Variants in ALG9 observed in about 807,000 individuals in gnomAD.
ALG9 encodes the protein alpha-1,2-mannosyltransferase ALG9.
A neutral mutation model predicts 81.8 loss-of-function variants in ALG9; 55 were observed. The observed-to-expected ratio is 0.67, with a 90% CI of 0.54 to 0.84. The LOEUF is 0.84. Ranked by LOEUF, ALG9 falls within the 40% of genes least tolerant of loss-of-function variation. The pLI is 0.00. For synonymous variants in ALG9, 278 were observed against 274.3 expected (o/e 1.01, Z -0.13); for missense variants, 629 against 745.0 (o/e 0.84, Z 1.81).
chr11:111,870,107 T>C (rs1258324035), intron 2 of ALG9, 125 bp downstream of exon 2: 3 of 1,208,964 alleles, frequency 2.5e-6, no homozygotes, highest in South Asian at 3.7e-5. Flanking sequence ...TTTTTGTTTT[T>C]TTTTTTAAGA....
At position 111,786,321 on chromosome 11, in the gene ALG9, G is replaced by C. The variant is rs782612113; in HGVS notation, c.*76C>G. ...GACCTTTATTACAAATGTTACAGGC[G>C]ATGACTTGCAGGGAGTCAGGTCACT... On this transcript the variant is annotated 3_prime_UTR_variant, in exon 15 of 15. Coordinates refer to ENST00000616540, the MANE Select transcript of ALG9 (RefSeq NM_024740.2). 9.4e-6 allele frequency: 15 copies of C among 1,596,044 alleles called. No individual in the cohort carries two copies. The East Asian group carries it at 2.9e-4, about 31-fold the overall frequency.
chr11:111,864,175 A>G, intron 4 of ALG9: 2 of 581,774 alleles, frequency 3.4e-6, no homozygotes, highest in East Asian at 2.9e-5. Context: ...AACAATAAAT[A>G]AAAGCAAGAA....
At chr11:111,863,585 G>A (rs1332999137) in intron 4 of ALG9, among the ~76,000 whole-genome samples, 2 of 152,090 alleles carry the variant, frequency 1.3e-5, no homozygotes, top group Admixed American at 6.6e-5. Flanking sequence ...TTTAAATAAT[G>A]ATCACTAAGT....
At chr11:111,825,568 A>G (rs1266898846) in intron 13 of ALG9, among the ~76,000 whole-genome samples, 1 of 152,184 alleles carries the variant, frequency 6.6e-6, no homozygotes, top group East Asian at 1.9e-4. Flanking sequence ...ATTCTTAATC[A>G]GCCTCTAAGA....
At chr11:111,846,362 A>G (rs1956949012) in intron 8 of ALG9, among the ~76,000 whole-genome samples, 1 of 152,254 alleles carries the variant, frequency 6.6e-6, no homozygotes, top group Non-Finnish European at 1.5e-5. Context: ...GTCAAGCACC[A>G]ATAGGAAAAA....
intron 14 of ALG9, among the ~76,000 whole-genome samples, chr11:111,793,760 C>CAAAA (rs35166603): frequency 5.6e-5 from 3 of 53,888 alleles, no homozygotes; most frequent in African/African-American, 5.6e-5. Context: ...GAGTCCAGCT[C>CAAAA]AAAAAAAAAA....
downstream of ALG9, among the ~76,000 whole-genome samples, chr11:111,779,631 G>GT (rs1186511919): frequency 5.1e-4 from 77 of 151,982 alleles, no homozygotes; most frequent in African/African-American, 1.8e-3. Flanking sequence ...GATTACAGGT[G>GT]TGAGCCCCCT....
intron 13 of ALG9, among the ~76,000 whole-genome samples, chr11:111,811,152 C>T (rs1555091062): frequency 6.6e-6 from 1 of 152,118 alleles, no homozygotes; most frequent in Non-Finnish European, 1.5e-5. Context: ...TAGCAATAAA[C>T]AAAATGAAAT....
Position 111,840,701 on chromosome 11 carries a change from T to C in ALG9, c.1127A>G (p.Tyr376Cys). Residue 376 changes from tyrosine (Y) to cysteine (C), a missense_variant, in exon 10 of 15, where the codon TAT becomes TGT. Physicochemically the swap from Tyr to Cys is radical, Grantham distance 194. This residue lies in a region of ALG9 where 264 missense variants were observed against 302.2 expected (regional missense o/e 0.87). Transcript: ENST00000616540. ...HKEERFLFPV[Y>C]PLICLCGAVA... ...AGCGCCACAGAGACATATAAGTGGA[T>C]ACACAGGGAAAAGAAATCTCTCCTC... 3 of 1,613,942 alleles carry C rather than the reference T, an allele frequency of 1.9e-6. No individual in the cohort carries two copies. The highest frequency in any genetic ancestry group is 2.5e-6 in the Non-Finnish European group (3 of 1,179,966).
the ALG9 span, among the ~76,000 whole-genome samples, chr11:111,768,153 T>C: frequency 2.6e-5 from 4 of 152,184 alleles, no homozygotes; most frequent in East Asian, 1.9e-4. Flanking sequence ...TATTTGGTAG[T>C]TGTAACAGAA....
chr11:111,828,186 T>A lies in ALG9; in HGVS notation c.1602+7979A>T, dbSNP rs1225534820. Among the ~76,000 whole-genome samples the A allele has an allele frequency of 3.3e-5, 5 of 151,856 alleles. No homozygotes were observed. The South Asian group carries it at 8.3e-4, about 25-fold the overall frequency. On this transcript the variant is annotated intron_variant, in intron 13 of 14. Transcript: ENST00000616540. ...TCCAGCCTGGGTGACAGAGCAAGAC[T>A]CCATCAAAAAAAAAGGAGATGAACA...
Position 111,840,823 on chromosome 11 carries a change from A to G in ALG9, c.1019-14T>C. 1 of 1,613,964 alleles carries G rather than the reference A, an allele frequency of 6.2e-7. No homozygotes were observed. The highest frequency in any genetic ancestry group is 1.1e-5 in the South Asian group (1 of 91,078). ...CTAAATTCTGAACTGCAAGACACAG[A>G]AAAATACCCATCTTTCATTATATTA... On this transcript the variant is annotated splice_polypyrimidine_tract_variant and intron_variant, in intron 9 of 14. Transcript: ENST00000616540.
chr11:111,844,761 G>T, intron 8 of ALG9, 38 bp from the exon 9 acceptor site: 1 of 1,606,874 alleles, frequency 6.2e-7, no homozygotes, highest in Non-Finnish European at 8.5e-7. Context: ...ATTAGTGGAT[G>T]CCTTTAACAC....
intron 13 of ALG9, among the ~76,000 whole-genome samples, chr11:111,827,271 G>A (rs1953487845): frequency 6.6e-6 from 1 of 152,162 alleles, no homozygotes; most frequent in African/African-American, 2.4e-5. Context: ...GAGGTCGGGA[G>A]TTTGAGACCA....
chr11:111,776,587 C>T, the ALG9 span, among the ~76,000 whole-genome samples: 1 of 151,962 alleles, frequency 6.6e-6, no homozygotes, highest in East Asian at 1.9e-4. Context: ...GACTCTATCT[C>T]AAAAAACAAA....
rs561738166 is a variant in ALG9, at chr11:111,838,254, A to C, written c.1319T>G (p.Phe440Cys). The C allele has an allele frequency of 6.2e-7, 1 of 1,614,154 alleles. No homozygotes were observed. The highest frequency in any genetic ancestry group is 2.2e-5 in the East Asian group (1 of 44,878). Residue 440 changes from phenylalanine (F) to cysteine (C), a missense_variant, in exon 11 of 15, where the codon TTC (phenylalanine) becomes TGC (cysteine). This residue lies in a region of ALG9 where 264 missense variants were observed against 302.2 expected (regional missense o/e 0.87). Transcript: ENST00000616540. ...LLSFSRSVAL[F>C]RGYHGPLDLY... ...GATATTCTTAGAAGATCTACCTCTG[A>C]ACAGTGCCACAGAGCGAGAAAATGA... is the stretch of plus-strand genomic sequence containing the variant.
intron 13 of ALG9, among the ~76,000 whole-genome samples, chr11:111,815,125 C>T (rs1555095763): frequency 6.6e-6 from 1 of 152,156 alleles, no homozygotes; most frequent in African/African-American, 2.4e-5. Flanking sequence ...CTGTATCAGT[C>T]AGATTAGGCT....
At chr11:111,830,413 A>G (rs1954144760) in intron 13 of ALG9, among the ~76,000 whole-genome samples, 1 of 152,246 alleles carries the variant, frequency 6.6e-6, no homozygotes, top group African/African-American at 2.4e-5. Flanking sequence ...AACTCACAAG[A>G]AAAAATTCAT....
In ALG9 at chr11:111,864,232, T is replaced by A. The variant is rs1324116874; in HGVS notation, c.476+949A>T. 6 of 812,596 alleles carry A rather than the reference T, an allele frequency of 7.4e-6. No homozygotes were observed. The East Asian group carries it at 1.5e-4, about 21-fold the overall frequency. The allele number at this position is 812,596 out of a possible 1,614,324, so 50.3% of individuals were successfully genotyped here. ...ACCCACGACCCACCAACCCACGAAC[T>A]GGCCCGGCCCTCACGTGCACCATGT... On this transcript the variant is annotated intron_variant, in intron 4 of 14. Coordinates refer to ENST00000616540, the MANE Select transcript of ALG9 (RefSeq NM_024740.2).
Sources: gnomAD v4.1 joint callset for allele counts (sites outside exome capture counted in the v4.1 genomes callset) on GRCh38, gnomAD v4.1.1 for gene constraint, gnomAD v4.1.1 regional missense constraint, MANE v1.5 for transcripts, NCBI Gene and HGNC (gene_info 2026-07-23, HGNC 2026-07-21) for gene names.